The following LRCH3 variants were observed in gnomAD, a reference collection of about 807,000 sequenced individuals.
LRCH3 encodes the protein leucine rich repeats and calponin homology domain containing 3.
In LRCH3, 68 loss-of-function variants were observed where a neutral mutation model predicts 104.5. That is an observed-to-expected ratio of 0.65 (90% CI 0.54 to 0.80). The LOEUF is 0.80. Among genes scored for constraint, LRCH3 ranks in the 30% least tolerant of loss-of-function variants. The pLI, the probability that LRCH3 is intolerant of heterozygous loss-of-function variation, is 0.00. For synonymous variants in LRCH3, 344 were observed against 361.3 expected, an observed-to-expected ratio of 0.95 and a Z score of 0.54; for missense variants, 951 against 953.9, an observed-to-expected ratio of 1.00 and a Z score of 0.04.
chr3:197,838,191 A>G (rs1737168806), intron 9 of LRCH3, among the ~76,000 whole-genome samples: 1 of 152,226 alleles, frequency 6.6e-6, no homozygotes, highest in Admixed American at 6.5e-5. Context: ...AGGCTGAAGT[A>G]GGAAGACTGC....
At chr3:197,817,040 G>A in intron 2 of LRCH3, 136 bp from the exon 3 acceptor site, 1 of 678,668 alleles carries the variant, frequency 1.5e-6, no homozygotes, top group Non-Finnish European at 2.3e-6. Context: ...GTAAAACGAA[G>A]GCTAGAACTC....
In LRCH3 at chr3:197,856,662, C is replaced by T. The variant is rs756947588; in HGVS notation, c.1645-2172C>T. 1.1e-4 allele frequency among the ~76,000 whole-genome samples: 17 copies of T among 152,178 alleles called. No individual in the cohort carries two copies. Among genetic ancestry groups the T allele is most frequent in the Non-Finnish European group, 2.4e-4 (16 of 68,030 alleles). The stretch of plus-strand genomic sequence containing the variant: ...CCAGCCTCCCAAAGTGCTGAGATTA[C>T]AGGCATGAGCCACCGTGCCCAGCTT... On this transcript the variant is annotated intron_variant, in intron 14 of 20. Transcript: ENST00000425562. The surrounding 1 kb of genome is among the most constrained non-coding windows in gnomAD (Gnocchi z 4.2).
intron 1 of LRCH3, among the ~76,000 whole-genome samples, chr3:197,802,876 T>C (rs1430961613): frequency 2.0e-5 from 3 of 152,222 alleles, no homozygotes; most frequent in Non-Finnish European, 4.4e-5. Context: ...CAGTGACACC[T>C]GCCTGCTGTA....
intron 19 of LRCH3, 24 bp downstream of exon 19, chr3:197,871,486 C>T: frequency 6.2e-7 from 1 of 1,609,508 alleles, no homozygotes; most frequent in Non-Finnish European, 8.5e-7. Flanking sequence ...CCTAAAAAGC[C>T]TTGGCTATTC....
intron 1 of LRCH3, among the ~76,000 whole-genome samples, chr3:197,794,052 T>G (rs1730922029): frequency 1.3e-5 from 2 of 152,240 alleles, no homozygotes; most frequent in East Asian, 1.9e-4. Context: ...ACTTTACATG[T>G]GAGGGATCAC....
chr3:197,828,087 A>AG (rs1735448741), intron 5 of LRCH3, among the ~76,000 whole-genome samples: 1 of 151,358 alleles, frequency 6.6e-6, no homozygotes, highest in Non-Finnish European at 1.5e-5. Flanking sequence ...AAAAAAAAAA[A>AG]AAAAATGCTA....
chr3:197,878,387 C>T (rs1713145599), intron 20 of LRCH3, among the ~76,000 whole-genome samples: 1 of 152,120 alleles, frequency 6.6e-6, no homozygotes, highest in East Asian at 1.9e-4. Context: ...CAGTGGTTGA[C>T]CATGTTTGTT....
chr3:197,853,172 C>A (rs1739847934), intron 13 of LRCH3, among the ~76,000 whole-genome samples: 1 of 151,984 alleles, frequency 6.6e-6, no homozygotes, highest in South Asian at 2.1e-4. Flanking sequence ...CCTTTAAAAA[C>A]CTACCAGTTT....
intron 11 of LRCH3, 121 bp from the exon 12 acceptor site, chr3:197,847,751 T>A: frequency 2.3e-6 from 1 of 426,212 alleles, no homozygotes; most frequent in Non-Finnish European, 3.1e-6. Flanking sequence ...TTTCAAGCAA[T>A]GCTAGGTGAC....
chr3:197,821,656 T>C (rs1315068303), intron 4 of LRCH3, among the ~76,000 whole-genome samples: 1 of 152,204 alleles, frequency 6.6e-6, no homozygotes, highest in Non-Finnish European at 1.5e-5. Flanking sequence ...TGACAAAATA[T>C]GACTTACAGT....
Position 197,826,955 on chromosome 3 carries a change from C to T in LRCH3, c.718C>T (p.Leu240Phe), listed in dbSNP as rs1287005899. Residue 240 changes from leucine (L) to phenylalanine (F), a missense_variant, in exon 5 of 21, where the codon CTC becomes TTC. Coordinates refer to ENST00000425562, the MANE Select transcript of LRCH3 (RefSeq NM_001365715.1). ...ITTIPVCYRN[L>F]RHLQTITLDN... Reference sequence around the variant, plus strand: ...CACAATCCCTGTTTGTTATCGGAACCTCAGGCACCTACAGACGATCACCCT... The same window carrying T: ...CACAATCCCTGTTTGTTATCGGAACTTCAGGCACCTACAGACGATCACCCT... 1 of 1,613,904 alleles carries T rather than the reference C, an allele frequency of 6.2e-7. No homozygotes were observed. The highest frequency in any genetic ancestry group is 1.7e-5 in the Admixed American group (1 of 59,956).
chr3:197,849,337 T>C (rs1352725889), intron 12 of LRCH3, among the ~76,000 whole-genome samples: 1 of 149,962 alleles, frequency 6.7e-6, no homozygotes, highest in African/African-American at 2.5e-5. Context: ...AAAATTAATA[T>C]TCCTACAAGC....
intron 20 of LRCH3, among the ~76,000 whole-genome samples, chr3:197,879,985 A>T (rs9682957): frequency 0.13 from 19,392 of 146,216 alleles, 1,624 homozygotes; most frequent in South Asian, 0.24. Context: ...TCGCTCTGTC[A>T]CCCAGGCTGG....
At chr3:197,836,974 A>G (rs1461482526) in intron 9 of LRCH3, among the ~76,000 whole-genome samples, 1 of 152,172 alleles carries the variant, frequency 6.6e-6, no homozygotes, top group African/African-American at 2.4e-5. Context: ...CACCGCACCC[A>G]GCCAGTATTA....
Position 197,866,226 on chromosome 3 carries a change from G to C in LRCH3, c.1873+7G>C. 1 of 1,608,762 alleles carries C rather than the reference G, an allele frequency of 6.2e-7. No individual in the cohort carries two copies. Among genetic ancestry groups the C allele is most frequent in the African/African-American group, 1.3e-5 (1 of 74,922 alleles). On this transcript the variant is annotated splice_region_variant and intron_variant, in intron 17 of 20. Transcript: ENST00000425562. ...AGGGCAGAAACCAACAAAGGTAGGT[G>C]GTGGTGATTTTAAAAGCCAGGAGCG...
At chr3:197,837,489 A>T (rs1301251814) in intron 9 of LRCH3, among the ~76,000 whole-genome samples, 1 of 152,198 alleles carries the variant, frequency 6.6e-6, no homozygotes, top group Non-Finnish European at 1.5e-5. Context: ...ATGAGGCAGC[A>T]TTATTTTAGA....
intron 10 of LRCH3, among the ~76,000 whole-genome samples, chr3:197,846,567 CAA>C (rs1738760318): frequency 6.7e-6 from 1 of 148,648 alleles, no homozygotes; most frequent in South Asian, 2.1e-4. Flanking sequence ...ACAAAAAAAA[CAA>C]AGACAGCTGG....
intron 1 of LRCH3, among the ~76,000 whole-genome samples, chr3:197,794,107 T>C (rs2109084729): frequency 6.6e-6 from 1 of 152,152 alleles, no homozygotes; most frequent in African/African-American, 2.4e-5. Context: ...GTATCACTGG[T>C]AGGATTTTGG....
chr3:197,835,928 T>TA, intron 9 of LRCH3, 106 bp downstream of exon 9: 1 of 1,231,268 alleles, frequency 8.1e-7, no homozygotes, highest in Non-Finnish European at 1.1e-6. Context: ...GAAGCCTAAT[T>TA]GTTTTCATTA....
Sources: gnomAD v4.1 joint callset for allele counts (sites outside exome capture counted in the v4.1 genomes callset) on GRCh38, gnomAD v4.1.1 for gene constraint, Gnocchi (gnomAD v3.1) non-coding constraint, MANE v1.5 for transcripts, NCBI Gene and HGNC (gene_info 2026-07-23, HGNC 2026-07-21) for gene names.